CNTN5: variants seen among roughly 807,000 people sequenced by gnomAD.
CNTN5 encodes contactin 5.
In CNTN5, 77 loss-of-function variants were observed where a neutral mutation model predicts 129.1. That is an observed-to-expected ratio of 0.60 (90% CI 0.50 to 0.72). CNTN5 has a LOEUF of 0.72. Among genes scored for constraint, CNTN5 ranks in the 30% least tolerant of loss-of-function variants. CNTN5 has a pLI of 0.00. For missense variants in CNTN5, 1,478 were observed against 1,328.8 expected (o/e 1.11, Z -1.75); for synonymous variants, 509 against 465.6 (o/e 1.09, Z -1.20).
At chr11:99,482,044 T>G (rs1228705399) in intron 2 of CNTN5, among the ~76,000 whole-genome samples, 3 of 152,182 alleles carry the variant, frequency 2.0e-5, no homozygotes, top group Non-Finnish European at 4.4e-5. Context: ...ATTTTGAGTC[T>G]GAAATTCCCA....
At chr11:99,312,664 G>A (rs185069868) in intron 1 of CNTN5, among the ~76,000 whole-genome samples, 1 of 152,194 alleles carries the variant, frequency 6.6e-6, no homozygotes, top group East Asian at 1.9e-4. Context: ...TAGGATTGCT[G>A]TAAGACAATT....
At chr11:99,349,583 G>T (rs1565511423) in intron 2 of CNTN5, among the ~76,000 whole-genome samples, 1 of 152,158 alleles carries the variant, frequency 6.6e-6, no homozygotes, top group Non-Finnish European at 1.5e-5. Context: ...ACACCATGGT[G>T]TAATGGATCA....
rs1220061015 is a variant in CNTN5 at position 99,422,508 on chromosome 11, CTTTATATT to C, written c.-71+97032_-71+97039del. On this transcript the variant is annotated intron_variant, in intron 2 of 24. Transcript: ENST00000524871. ...TGAAAAACAAAAGCGATTCATGTTACTTTATATTTTTATATATATATATATATATATAT... is the reference window on the plus strand; with the variant it reads ...TGAAAAACAAAAGCGATTCATGTTACTTTATATATATATATATATATATAT... Among the ~76,000 whole-genome samples the C allele has an allele frequency of 4.8e-3, 487 of 101,874 alleles. 3 individuals carry two copies. The highest frequency in any genetic ancestry group is 0.025 in the South Asian group (75 of 2,942). The allele number at this position is 101,874 out of a possible 152,430, so 66.8% of individuals were successfully genotyped here.
intron 16 of CNTN5, among the ~76,000 whole-genome samples, chr11:100,247,835 T>A (rs1050591075): frequency 6.6e-6 from 1 of 152,176 alleles, no homozygotes; most frequent in African/African-American, 2.4e-5. Context: ...TCCTTTTCCA[T>A]TGAGTCAACA....
chr11:99,484,871 T>C (rs1488907133), intron 2 of CNTN5, among the ~76,000 whole-genome samples: 2 of 151,876 alleles, frequency 1.3e-5, no homozygotes, highest in African/African-American at 4.8e-5. Flanking sequence ...CTTTATCTCA[T>C]AGAAGTAAAA....
chr11:99,811,359 T>G (rs1047343036), intron 3 of CNTN5, among the ~76,000 whole-genome samples: 3 of 151,496 alleles, frequency 2.0e-5, no homozygotes, highest in African/African-American at 7.3e-5. Flanking sequence ...TAAAATATAT[T>G]TTTATCATAT....
chr11:99,478,647 A>AT (rs35265352), intron 2 of CNTN5, among the ~76,000 whole-genome samples: 1,543 of 151,316 alleles, frequency 0.01, 22 homozygotes, highest in African/African-American at 0.034. Flanking sequence ...GGATATATGG[A>AT]TTTTTTTTTG....
rs1304568065 is a variant in CNTN5 at position 99,782,447 on chromosome 11, T to A, written c.56-37097T>A. Among the ~76,000 whole-genome samples, 838 of 150,646 alleles carry A rather than the reference T, an allele frequency of 5.6e-3. 1 individual carries two copies. The highest frequency in any genetic ancestry group is 7.9e-3 in the Non-Finnish European group (535 of 67,656). On this transcript the variant is annotated intron_variant, in intron 3 of 24. Coordinates refer to ENST00000524871, the MANE Select transcript of CNTN5 (RefSeq NM_014361.4). Reference sequence around the variant, plus strand: ...AATGCCATCCCCATCAAGCTACCAATGCCTTTCTTCACAGAATTGGAAAAA... The same window carrying A: ...AATGCCATCCCCATCAAGCTACCAAAGCCTTTCTTCACAGAATTGGAAAAA...
At chr11:99,799,349 A>C (rs1946044852) in intron 3 of CNTN5, among the ~76,000 whole-genome samples, 1 of 151,728 alleles carries the variant, frequency 6.6e-6, no homozygotes, top group Non-Finnish European at 1.5e-5. Flanking sequence ...GAATGCTTCT[A>C]GTTTTTGGCT....
chr11:100,205,099 T>C (rs1270097576), intron 15 of CNTN5, among the ~76,000 whole-genome samples: 1 of 152,070 alleles, frequency 6.6e-6, no homozygotes, highest in East Asian at 1.9e-4. Flanking sequence ...TGAAATACTA[T>C]TGATATGTAA....
chr11:100,327,895 T>G (rs1370208248), intron 21 of CNTN5, among the ~76,000 whole-genome samples: 1 of 152,154 alleles, frequency 6.6e-6, no homozygotes, highest in Admixed American at 6.5e-5. Context: ...CTCTCAAAGA[T>G]GCAAAAATCA....
At position 100,291,634 on chromosome 11, in the gene CNTN5, G is replaced by A. The variant is rs1950975356; in HGVS notation, c.2315-5991G>A. On this transcript the variant is annotated intron_variant, in intron 18 of 24. Transcript: ENST00000524871. ...GGGGAAGGGGGAGGGATAGCATTGG[G>A]AGATATACCTAATGCTAGATGACGA... Among the ~76,000 whole-genome samples, 5 of 151,944 alleles carry A rather than the reference G, an allele frequency of 3.3e-5. No individual in the cohort carries two copies. In the South Asian group the frequency reaches 1.0e-3, roughly 32 times the overall value.
intron 16 of CNTN5, among the ~76,000 whole-genome samples, chr11:100,241,413 T>G (rs1295253626): frequency 6.6e-6 from 1 of 152,216 alleles, no homozygotes; most frequent in African/African-American, 2.4e-5. Flanking sequence ...ACCTTTCACC[T>G]GAAGTTTGTG....
At chr11:99,857,430 A>G (rs1333228134) in intron 6 of CNTN5, among the ~76,000 whole-genome samples, 1 of 152,166 alleles carries the variant, frequency 6.6e-6, no homozygotes, top group Non-Finnish European at 1.5e-5. Flanking sequence ...CTTAGGAGGA[A>G]CATACAGAGC....
chr11:99,502,699 C>T (rs1183762935), intron 2 of CNTN5, among the ~76,000 whole-genome samples: 1 of 152,088 alleles, frequency 6.6e-6, no homozygotes, highest in Non-Finnish European at 1.5e-5. Flanking sequence ...TAATACACCC[C>T]AACAGTAACT....
At chr11:99,999,375 A>G (rs959082585) in intron 8 of CNTN5, among the ~76,000 whole-genome samples, 9 of 152,254 alleles carry the variant, frequency 5.9e-5, no homozygotes, top group Non-Finnish European at 1.0e-4. Flanking sequence ...TCAAAAGAAG[A>G]CATTTATGCA....
At position 100,272,380 on chromosome 11, in the gene CNTN5, C is replaced by A. The variant is rs80321810; in HGVS notation, c.2314+1139C>A. On this transcript the variant is annotated intron_variant, in intron 18 of 24. Transcript: ENST00000524871. ...TGTGTATTATAGTTATAGAACTGAA[C>A]CAAAAATATGACTTTTGACCTCTAA... Among the ~76,000 whole-genome samples the A allele has an allele frequency of 5.9e-3, 893 of 152,090 alleles. 58 individuals carry two copies. In the East Asian group the frequency reaches 0.15, roughly 25 times the overall value.
chr11:99,601,562 A>T (rs900881565), intron 3 of CNTN5, among the ~76,000 whole-genome samples: 1 of 152,254 alleles, frequency 6.6e-6, no homozygotes, highest in African/African-American at 2.4e-5. Context: ...AGGGATTTCC[A>T]CCACAACCTC....
chr11:100,186,400 T>A (rs1252542961), intron 13 of CNTN5, among the ~76,000 whole-genome samples: 1 of 151,600 alleles, frequency 6.6e-6, no homozygotes, highest in African/African-American at 2.4e-5. Flanking sequence ...TATAATGAAA[T>A]AACAAATATA....
Sources: gnomAD v4.1 joint callset for allele counts (sites outside exome capture counted in the v4.1 genomes callset) on GRCh38, gnomAD v4.1.1 for gene constraint, MANE v1.5 for transcripts, NCBI Gene and HGNC (gene_info 2026-07-23, HGNC 2026-07-21) for gene names.